MBTPS1: variants seen among roughly 807,000 people sequenced by gnomAD.
The protein encoded by MBTPS1 is membrane-bound transcription factor site-1 protease.
MBTPS1 carries 94 observed loss-of-function variants against 127.8 expected under a neutral mutation model. The observed-to-expected ratio is 0.74, with a 90% CI of 0.62 to 0.87. The LOEUF (loss-of-function observed/expected upper bound fraction) is 0.87, where lower values mean the gene tolerates loss of function less well. Ranked by LOEUF, MBTPS1 falls within the 40% of genes least tolerant of loss-of-function variation. MBTPS1 has a pLI of 0.00. For missense variants in MBTPS1, 1,636 were observed against 1,353.2 expected, an observed-to-expected ratio of 1.21 and a Z score of -3.28; for synonymous variants, 632 against 509.4, an observed-to-expected ratio of 1.24 and a Z score of -3.24.
intron 1 of MBTPS1, among the ~76,000 whole-genome samples, chr16:84,102,998 C>G (rs968853128): frequency 2.0e-5 from 3 of 152,104 alleles, no homozygotes; most frequent in African/African-American, 7.2e-5. Context: ...AGGGAAACTA[C>G]TGCTAAAGAA....
intron 14 of MBTPS1, among the ~76,000 whole-genome samples, chr16:84,069,474 A>G (rs1450450148): frequency 2.0e-5 from 3 of 152,196 alleles, no homozygotes; most frequent in Non-Finnish European, 4.4e-5. Context: ...TAGGGCAACA[A>G]CAGCAACAGC....
chr16:84,083,482 G>C (rs1197889513), intron 10 of MBTPS1, among the ~76,000 whole-genome samples: 2 of 151,716 alleles, frequency 1.3e-5, no homozygotes. Context: ...GTAGAGATGA[G>C]GTCTCACTAT....
At position 84,093,299 on chromosome 16, in the gene MBTPS1, T is replaced by G; in HGVS notation, c.737-2A>C. 1 of 1,596,254 alleles carries G rather than the reference T, an allele frequency of 6.3e-7. No homozygotes were observed. Among genetic ancestry groups the G allele is most frequent in the African/African-American group, 1.3e-5 (1 of 74,736 alleles). ...CCACGAATGTGCCATGGCCCAACCCTGCAGTCCATAAAGAAAACAATCCCA... is the reference window on the plus strand; with the variant it reads ...CCACGAATGTGCCATGGCCCAACCCGGCAGTCCATAAAGAAAACAATCCCA... On this transcript the variant is annotated splice_acceptor_variant, in intron 5 of 22. Coordinates refer to ENST00000343411, the MANE Select transcript of MBTPS1 (RefSeq NM_003791.4). LOFTEE classifies it high-confidence loss of function.
Position 84,066,755 on chromosome 16 carries a change from T to C in MBTPS1, c.2229-142A>G, listed in dbSNP as rs979152563. Reference sequence around the variant, plus strand: ...AAGGCTTCAACTGAAACCAACTGTCTGGGTTTGGGTAAAACTGCAAATTTA... The same window carrying C: ...AAGGCTTCAACTGAAACCAACTGTCCGGGTTTGGGTAAAACTGCAAATTTA... On this transcript the variant is annotated intron_variant, in intron 16 of 22. Coordinates refer to ENST00000343411, the MANE Select transcript of MBTPS1 (RefSeq NM_003791.4). 19 of 815,438 alleles carry C rather than the reference T, an allele frequency of 2.3e-5. No individual in the cohort carries two copies. The African/African-American group carries it at 3.3e-4, about 14-fold the overall frequency. The allele number at this position is 815,438 out of a possible 1,614,324, so 50.5% of individuals were successfully genotyped here.
chr16:84,062,226 C>A (rs1567472719), intron 19 of MBTPS1, among the ~76,000 whole-genome samples: 2 of 152,060 alleles, frequency 1.3e-5, no homozygotes, highest in African/African-American at 4.8e-5. Flanking sequence ...GTTCAAGCAA[C>A]TCTCCCACCT....
rs1210009185 is a variant in MBTPS1, at chr16:84,081,803, G to GC, written c.1391dup (p.Lys465GlnfsTer29). 17 of 1,530,772 alleles carry GC rather than the reference G, an allele frequency of 1.1e-5. No homozygotes were observed. Among genetic ancestry groups the GC allele is most frequent in the Non-Finnish European group, 1.4e-5 (16 of 1,137,264 alleles). 94.8% of individuals were successfully genotyped at this position (1,530,772 alleles called of 1,614,324 possible). On this transcript the variant is annotated frameshift_variant, in exon 11 of 23. Transcript: ENST00000343411. LOFTEE classifies it high-confidence loss of function. ...GATAGGCTCTGAGCAGATCGAGCTT[G>GC]CCGTGGCCTTGCTCAAACATGTTGA...
At position 84,101,888 on chromosome 16, in the gene MBTPS1, A is replaced by C. The variant is rs907045; in HGVS notation, c.-105T>G. 7 of 1,025,334 alleles carry C rather than the reference A, an allele frequency of 6.8e-6. No homozygotes were observed. Among genetic ancestry groups the C allele is most frequent in the Non-Finnish European group, 1.0e-5 (7 of 679,510 alleles). 63.5% of individuals were successfully genotyped at this position (1,025,334 alleles called of 1,614,324 possible). On this transcript the variant is annotated 5_prime_UTR_variant, in exon 2 of 23. In the 5' UTR this introduces an upstream ATG that the reference lacks. Transcript: ENST00000343411. ...TTCAGCTAAAAGCTGCAACATTACT[A>C]ATCAGCCATCTTACAGTCTTGCCCA...
At chr16:84,081,721 A>C (rs970763987) in intron 11 of MBTPS1, 26 bp downstream of exon 11, 7 of 1,335,698 alleles carry the variant, frequency 5.2e-6, no homozygotes, top group Middle Eastern at 2.0e-4. Flanking sequence ...GGAGAGAAAG[A>C]CCCATCGGCA....
Position 84,100,935 on chromosome 16 carries a change from C to T in MBTPS1, c.163+686G>A, listed in dbSNP as rs557416017. ...TTTGGGAGGCCAAGGAGGGTGATCACTTGAGGTCAGGAGTTCAAGACCAGC... is the reference window on the plus strand; with the variant it reads ...TTTGGGAGGCCAAGGAGGGTGATCATTTGAGGTCAGGAGTTCAAGACCAGC... On this transcript the variant is annotated intron_variant, in intron 2 of 22. Transcript: ENST00000343411. Among the ~76,000 whole-genome samples, 5 of 145,914 alleles carry T rather than the reference C, an allele frequency of 3.4e-5. No homozygotes were observed. The East Asian group carries it at 8.1e-4, about 24-fold the overall frequency.
chr16:84,090,931 T>C lies in MBTPS1; in HGVS notation c.975A>G (p.Leu325=), dbSNP rs201631456. The C allele has an allele frequency of 6.2e-7, 1 of 1,611,266 alleles. No individual in the cohort carries two copies. The highest frequency in any genetic ancestry group is 8.5e-7 in the Non-Finnish European group (1 of 1,178,116). The part of the protein sequence containing the change: ...DHPFVDKVWE[L]TANNVIMVSA... ...AAACCATGATTACATTGTTAGCTGT[T>C]AATTCCCACACCTACAAAAGGAGCA... Residue 325 remains leucine (L), a synonymous_variant, in exon 8 of 23, where the codon TTA becomes TTG. Coordinates refer to ENST00000343411, the MANE Select transcript of MBTPS1 (RefSeq NM_003791.4).
intron 19 of MBTPS1, chr16:84,061,711 C>A: frequency 6.6e-6 from 1 of 152,344 alleles, no homozygotes. Context: ...TCAGGGACAC[C>A]TCAGAGTCGA....
chr16:84,063,250 AG>A (rs2085639099), intron 19 of MBTPS1, 54 bp downstream of exon 19: 4 of 1,574,400 alleles, frequency 2.5e-6, no homozygotes, highest in Non-Finnish European at 3.5e-6. Flanking sequence ...CCAGAGACAA[AG>A]GGAAGAAAGG....
intron 3 of MBTPS1, among the ~76,000 whole-genome samples, chr16:84,098,335 G>A (rs1375993488): frequency 2.0e-5 from 3 of 152,202 alleles, no homozygotes; most frequent in Non-Finnish European, 4.4e-5. Flanking sequence ...ATCGGGCTGG[G>A]TGCAGTGACT....
At chr16:84,063,675 G>GT (rs1437248099) in intron 18 of MBTPS1, among the ~76,000 whole-genome samples, 2 of 151,948 alleles carry the variant, frequency 1.3e-5, no homozygotes, top group African/African-American at 2.4e-5. Flanking sequence ...GTGTATTTCC[G>GT]TATCTATCCA....
chr16:84,086,639 G>GA (rs1333471348), intron 9 of MBTPS1: 7 of 152,310 alleles, frequency 4.6e-5, no homozygotes, highest in African/African-American at 1.7e-4. Context: ...AGGCAGTTGG[G>GA]AATCTTTCCA....
At chr16:84,072,319 G>A (rs1379749086) in intron 12 of MBTPS1, among the ~76,000 whole-genome samples, 1 of 152,172 alleles carries the variant, frequency 6.6e-6, no homozygotes, top group East Asian at 1.9e-4. Flanking sequence ...GTGGAAGGAA[G>A]AAGGAGTGGC....
rs1344089678 is a variant in MBTPS1, at chr16:84,066,482, G to A, written c.2353+7C>T. 9.3e-6 allele frequency: 15 copies of A among 1,613,834 alleles called. No homozygotes were observed. The highest frequency in any genetic ancestry group is 1.3e-5 in the Non-Finnish European group (15 of 1,179,844). On this transcript the variant is annotated splice_region_variant and intron_variant, in intron 17 of 22. Coordinates refer to ENST00000343411, the MANE Select transcript of MBTPS1 (RefSeq NM_003791.4). Reference sequence around the variant, plus strand: ...TAAGACCACGCCCTCAGGAAACAGAGCCTTACTGTCATGGTTGGCCAGGGT... The same window carrying A: ...TAAGACCACGCCCTCAGGAAACAGAACCTTACTGTCATGGTTGGCCAGGGT...
chr16:84,081,965 C>A, intron 10 of MBTPS1, 57 bp from the exon 11 acceptor site: 1 of 1,274,452 alleles, frequency 7.8e-7, no homozygotes, highest in South Asian at 2.4e-5. Context: ...GGAAATTGGA[C>A]CACTAAAACC....
In MBTPS1 at chr16:84,059,388, A is replaced by G. The variant is rs755493039; in HGVS notation, c.2745T>C (p.His915=). The G allele has an allele frequency of 1.6e-5, 26 of 1,614,158 alleles. No individual in the cohort carries two copies. The highest frequency in any genetic ancestry group is 1.9e-5 in the Non-Finnish European group (22 of 1,179,974). The change falls in exon 21 of 23, where the codon CAT becomes CAC. Residue 915 remains histidine, a synonymous_variant. Coordinates refer to ENST00000343411, the MANE Select transcript of MBTPS1 (RefSeq NM_003791.4). ...GAGGCCGAGGTTTTGGGTCTCCCAA[A>G]TGGGCCTCCAGAACCTTGGAGTACC... ...LHRYSKVLEA[H]LGDPKPRPLP...
Sources: gnomAD v4.1 joint callset for allele counts (sites outside exome capture counted in the v4.1 genomes callset) on GRCh38, gnomAD v4.1.1 for gene constraint, MANE v1.5 for transcripts, NCBI Gene and HGNC (gene_info 2026-07-23, HGNC 2026-07-21) for gene names.